The following SORCS3 variants were observed in gnomAD, a reference collection of about 807,000 sequenced individuals.
The protein encoded by SORCS3 is sortilin related VPS10 domain containing receptor 3.
SORCS3 carries 57 observed loss-of-function variants against 146.3 expected under a neutral mutation model. That is an observed-to-expected ratio of 0.39 (90% confidence interval 0.31 to 0.49). The LOEUF is 0.49. Among genes scored for constraint, SORCS3 ranks in the 20% least tolerant of loss-of-function variants. The pLI is 0.92. For synonymous variants in SORCS3, 653 were observed against 618.5 expected, an observed-to-expected ratio of 1.06 and a Z score of -0.83; for missense variants, 1,341 against 1,575.5, an observed-to-expected ratio of 0.85 and a Z score of 2.52.
At chr10:104,921,783 G>T (rs56366119) in intron 3 of SORCS3, among the ~76,000 whole-genome samples, 4,045 of 152,132 alleles carry the variant, frequency 0.027, 66 homozygotes, top group Admixed American at 0.04. Context: ...ACCTCTATCT[G>T]CCCACAGGGT....
intron 1 of SORCS3, among the ~76,000 whole-genome samples, chr10:104,771,918 A>G (rs770945823): frequency 9.2e-5 from 14 of 151,930 alleles, no homozygotes; most frequent in Admixed American, 2.6e-4. Flanking sequence ...CTCTTGGATC[A>G]TGTGTTCCGA....
intron 2 of SORCS3, among the ~76,000 whole-genome samples, chr10:104,893,711 GCT>G (rs1342660208): frequency 1.3e-5 from 2 of 152,166 alleles, no homozygotes; most frequent in Non-Finnish European, 2.9e-5. Context: ...TGCCGTATCT[GCT>G]CTGCATGTCG....
rs1263144474 is a variant in SORCS3 at position 105,217,018 on chromosome 10, A to G, written c.2630A>G (p.Asp877Gly). The change falls in exon 19 of 27, where the codon GAC becomes GGC. Residue 877 changes from aspartate (D) to glycine (G), a missense_variant. Coordinates refer to ENST00000369701, the MANE Select transcript of SORCS3 (RefSeq NM_014978.3). ...TACGCAAACTTCAGCCCCATCGAGG[A>G]CGGCATCAAGCACGTGTATAAGAGT... Reference protein sequence around the residue: ...VSYANFSPIEDGIKHVYKSAG... With the variant: ...VSYANFSPIEGGIKHVYKSAG... 1.9e-6 allele frequency: 3 copies of G among 1,614,106 alleles called. No homozygotes were observed. The highest frequency in any genetic ancestry group is 2.5e-6 in the Non-Finnish European group (3 of 1,180,006).
At chr10:104,690,010 T>G (rs1483673837) in intron 1 of SORCS3, among the ~76,000 whole-genome samples, 1 of 152,218 alleles carries the variant, frequency 6.6e-6, no homozygotes, top group Non-Finnish European at 1.5e-5. Flanking sequence ...TTCTTCAGTT[T>G]GGTTGCTGTC....
At chr10:104,918,680 C>T in intron 3 of SORCS3, among the ~76,000 whole-genome samples, 1 of 152,148 alleles carries the variant, frequency 6.6e-6, no homozygotes, top group East Asian at 1.9e-4. Flanking sequence ...TTTAGTGCTC[C>T]TCCCATCCCA....
chr10:105,263,541 G>T lies in SORCS3; in HGVS notation c.*167G>T. On this transcript the variant is annotated 3_prime_UTR_variant, in exon 27 of 27. Coordinates refer to ENST00000369701, the MANE Select transcript of SORCS3 (RefSeq NM_014978.3). Reference sequence around the variant, plus strand: ...GCTTTGGGAGAAAAGGGCATTCTTAGCTGATTGAAATGAGACAAAGGGAAT... The same window carrying T: ...GCTTTGGGAGAAAAGGGCATTCTTATCTGATTGAAATGAGACAAAGGGAAT... 1 of 632,258 alleles carries T rather than the reference G, an allele frequency of 1.6e-6. No homozygotes were observed. Among genetic ancestry groups the T allele is most frequent in the Non-Finnish European group, 2.7e-6 (1 of 364,228 alleles). 39.2% of individuals were successfully genotyped at this position (632,258 alleles called of 1,614,324 possible). A position where few individuals can be genotyped will look rare whatever the true frequency, so the allele number is the denominator to read the frequency against.
chr10:104,955,855 T>C (rs1320414987), intron 3 of SORCS3, among the ~76,000 whole-genome samples: 1 of 152,116 alleles, frequency 6.6e-6, no homozygotes, highest in Admixed American at 6.6e-5. Flanking sequence ...AATTGGGCTC[T>C]GAGAAGGATA....
At chr10:105,103,651 G>A (rs1222767136) in intron 6 of SORCS3, among the ~76,000 whole-genome samples, 1 of 152,198 alleles carries the variant, frequency 6.6e-6, no homozygotes, top group South Asian at 2.1e-4. Context: ...GGATGCAGAA[G>A]AAAGAAAAGT....
chr10:104,985,806 G>A (rs995489535), intron 4 of SORCS3, among the ~76,000 whole-genome samples: 2 of 152,118 alleles, frequency 1.3e-5, no homozygotes, highest in African/African-American at 4.8e-5. Flanking sequence ...AGTTTGGGAG[G>A]AATCTTTTTT....
chr10:104,718,503 C>T (rs2016506347), intron 1 of SORCS3, among the ~76,000 whole-genome samples: 1 of 152,180 alleles, frequency 6.6e-6, no homozygotes. Flanking sequence ...CTTTGGGAGA[C>T]ACGTTCAAAC....
chr10:105,046,504 C>A (rs1254965124), intron 5 of SORCS3, among the ~76,000 whole-genome samples: 1 of 152,054 alleles, frequency 6.6e-6, no homozygotes, highest in Non-Finnish European at 1.5e-5. Flanking sequence ...GAACCCCGTG[C>A]ATGTCTCTCG....
At chr10:105,095,829 T>C (rs954894457) in intron 6 of SORCS3, among the ~76,000 whole-genome samples, 3 of 152,078 alleles carry the variant, frequency 2.0e-5, no homozygotes, top group Non-Finnish European at 4.4e-5. Flanking sequence ...TCTAGGTTCC[T>C]TTTTCCTAAT....
intron 20 of SORCS3, among the ~76,000 whole-genome samples, chr10:105,227,245 G>T (rs2056738900): frequency 1.3e-5 from 2 of 151,872 alleles, no homozygotes; most frequent in East Asian, 1.9e-4. Flanking sequence ...GTGGTATGTT[G>T]TGTTTCTGGG....
chr10:105,122,367 C>T (rs990058352), intron 7 of SORCS3, among the ~76,000 whole-genome samples: 2 of 152,116 alleles, frequency 1.3e-5, no homozygotes, highest in Non-Finnish European at 2.9e-5. Flanking sequence ...AATTCTGAAA[C>T]CCCCTCATGG....
At chr10:104,807,926 G>A (rs2017697183) in intron 1 of SORCS3, among the ~76,000 whole-genome samples, 2 of 152,246 alleles carry the variant, frequency 1.3e-5, no homozygotes, top group Non-Finnish European at 2.9e-5. Context: ...TTCCCAGGAA[G>A]GGGTATGGCT....
At position 105,083,230 on chromosome 10, in the gene SORCS3, C is replaced by T. The variant is rs147325505; in HGVS notation, c.1029-6545C>T. Among the ~76,000 whole-genome samples, 639 of 151,842 alleles carry T rather than the reference C, an allele frequency of 4.2e-3. 6 individuals carry two copies. Among genetic ancestry groups the T allele is most frequent in the African/African-American group, 0.015 (621 of 41,446 alleles). On this transcript the variant is annotated intron_variant, in intron 5 of 26. Coordinates refer to ENST00000369701, the MANE Select transcript of SORCS3 (RefSeq NM_014978.3). Reference sequence around the variant, plus strand: ...TATATACTGAAACAATTTATCTTTACTATCTGATGCTTTCTAGAAACTTTC... The same window carrying T: ...TATATACTGAAACAATTTATCTTTATTATCTGATGCTTTCTAGAAACTTTC...
intron 25 of SORCS3, among the ~76,000 whole-genome samples, chr10:105,260,488 C>T (rs2056954363): frequency 6.6e-6 from 1 of 152,152 alleles, no homozygotes; most frequent in Admixed American, 6.5e-5. Flanking sequence ...ACTTTGGGTT[C>T]TTGTAAATTA....
At chr10:105,212,635 A>G (rs1452263825) in intron 17 of SORCS3, among the ~76,000 whole-genome samples, 1 of 152,254 alleles carries the variant, frequency 6.6e-6, no homozygotes, top group Non-Finnish European at 1.5e-5. Flanking sequence ...AGGAATGGCA[A>G]TTAAAAAAAA....
chr10:105,166,485 T>C (rs925050362), intron 12 of SORCS3, among the ~76,000 whole-genome samples: 1 of 152,306 alleles, frequency 6.6e-6, no homozygotes, highest in Non-Finnish European at 1.5e-5. Flanking sequence ...CATTGATATA[T>C]GTGGGCTTAG....
Sources: gnomAD v4.1 joint callset for allele counts (sites outside exome capture counted in the v4.1 genomes callset) on GRCh38, gnomAD v4.1.1 for gene constraint, MANE v1.5 for transcripts, NCBI Gene and HGNC (gene_info 2026-07-23, HGNC 2026-07-21) for gene names.